NCKAP5: variants seen among roughly 807,000 people sequenced by gnomAD.
NCKAP5 encodes the protein nck-associated protein 5.
In NCKAP5, 92 loss-of-function variants were observed where a neutral mutation model predicts 167.0. That is an observed-to-expected ratio of 0.55 (90% confidence interval 0.47 to 0.66). The LOEUF (loss-of-function observed/expected upper bound fraction) is 0.66. Among genes scored for constraint, NCKAP5 ranks in the 30% least tolerant of loss-of-function variants. NCKAP5 has a pLI of 0.00. For missense variants in NCKAP5, 2,378 were observed against 2,315.0 expected (o/e 1.03, Z -0.56); for synonymous variants, 891 against 877.4 (o/e 1.02, Z -0.27).
At chr2:133,349,025 A>C (rs72989607) in intron 3 of NCKAP5, among the ~76,000 whole-genome samples, 2,505 of 152,260 alleles carry the variant, frequency 0.016, 64 homozygotes, top group African/African-American at 0.056. Flanking sequence ...TTTTTCCCAA[A>C]AGCAGCTTAC....
chr2:133,496,720 T>C lies in NCKAP5; in HGVS notation c.69+20738A>G, dbSNP rs149266740. On this transcript the variant is annotated intron_variant, in intron 3 of 19. Coordinates refer to ENST00000409261, the MANE Select transcript of NCKAP5 (RefSeq NM_207363.3). ...GTGTTTTAATGAGTCTTTCAGGTGATTCTGATGTATTTATATGCTCAAGCT... is the reference window on the plus strand; with the variant it reads ...GTGTTTTAATGAGTCTTTCAGGTGACTCTGATGTATTTATATGCTCAAGCT... Among the ~76,000 whole-genome samples, 419 of 152,290 alleles carry C rather than the reference T, an allele frequency of 2.8e-3. 1 individual carries two copies. Among genetic ancestry groups the C allele is most frequent in the African/African-American group, 9.0e-3 (373 of 41,566 alleles).
At chr2:132,809,600 G>A (rs1230432920) in intron 11 of NCKAP5, among the ~76,000 whole-genome samples, 4 of 152,058 alleles carry the variant, frequency 2.6e-5, no homozygotes, top group African/African-American at 9.7e-5. Context: ...GCTGGCTTTT[G>A]GTGTCCATTT....
rs1558755385 is a variant in NCKAP5 at position 133,526,228 on chromosome 2, A to AAGGAAGGAAGGAAGG, written c.-61-8642_-61-8641insCCTTCCTTCCTTCCT. Among the ~76,000 whole-genome samples the AAGGAAGGAAGGAAGG allele has an allele frequency of 1.5e-4, 8 of 53,358 alleles. 1 individual carries two copies. The highest frequency in any genetic ancestry group is 1.4e-3 in the East Asian group (2 of 1,462). 35.0% of individuals were successfully genotyped at this position (53,358 alleles called of 152,430 possible). On this transcript the variant is annotated intron_variant, in intron 2 of 19. Transcript: ENST00000409261. ...GGAAGGAAGGAAGGAAGGAAGGAAG[A>AAGGAAGGAAGGAAGG]AAGGAAAGGAGGGAGGGAAGGAGGG...
At chr2:133,654,782 T>C in the NCKAP5 span, among the ~76,000 whole-genome samples, 1 of 152,202 alleles carries the variant, frequency 6.6e-6, no homozygotes, top group African/African-American at 2.4e-5. Flanking sequence ...ACAAGTGTAA[T>C]TGGTGAAGGA....
At chr2:133,443,159 T>A (rs1690961439) in intron 3 of NCKAP5, among the ~76,000 whole-genome samples, 2 of 152,190 alleles carry the variant, frequency 1.3e-5, no homozygotes, top group African/African-American at 4.8e-5. Flanking sequence ...GGTTCAGGTT[T>A]ATGGGACTAT....
chr2:133,038,475 G>A (rs537006513), intron 6 of NCKAP5, among the ~76,000 whole-genome samples: 1 of 152,248 alleles, frequency 6.6e-6, no homozygotes, highest in Admixed American at 6.5e-5. Flanking sequence ...AGGCTGGGAA[G>A]GGTATCAGGG....
chr2:133,577,221 C>T, the NCKAP5 span, among the ~76,000 whole-genome samples: 1 of 152,144 alleles, frequency 6.6e-6, no homozygotes. Context: ...GAAGAATGCA[C>T]CACCCCTGTG....
At chr2:132,803,231 T>A (rs1292514955) in intron 11 of NCKAP5, among the ~76,000 whole-genome samples, 1 of 152,232 alleles carries the variant, frequency 6.6e-6, no homozygotes, top group Admixed American at 6.5e-5. Flanking sequence ...CATAATTTGA[T>A]CTCACTTCAG....
At chr2:133,275,340 G>C (rs940199647) in intron 4 of NCKAP5, among the ~76,000 whole-genome samples, 1 of 151,836 alleles carries the variant, frequency 6.6e-6, no homozygotes, top group Non-Finnish European at 1.5e-5. Flanking sequence ...GAAGGTGTTC[G>C]TACTCTGTGA....
intron 4 of NCKAP5, among the ~76,000 whole-genome samples, chr2:133,240,458 A>G (rs1280549005): frequency 6.6e-6 from 1 of 152,158 alleles, no homozygotes. Context: ...CCCATCTCTG[A>G]TGCCCCCCAA....
At chr2:133,583,553 G>T in the NCKAP5 span, among the ~76,000 whole-genome samples, 1 of 152,032 alleles carries the variant, frequency 6.6e-6, no homozygotes, top group Non-Finnish European at 1.5e-5. Flanking sequence ...CCTTTATAGC[G>T]ATGCAAGCCT....
chr2:133,380,821 T>G (rs1386471090), intron 3 of NCKAP5, among the ~76,000 whole-genome samples: 1 of 152,200 alleles, frequency 6.6e-6, no homozygotes, highest in Non-Finnish European at 1.5e-5. Context: ...AAGCACCAGT[T>G]TAGAAGACTA....
intron 6 of NCKAP5, among the ~76,000 whole-genome samples, chr2:133,067,853 C>T (rs1210005391): frequency 6.6e-6 from 1 of 152,138 alleles, no homozygotes; most frequent in Non-Finnish European, 1.5e-5. Context: ...GGGGAATGCT[C>T]TTGAAATTAA....
chr2:133,043,412 C>T (rs1009899724), intron 6 of NCKAP5, among the ~76,000 whole-genome samples: 6 of 152,076 alleles, frequency 3.9e-5, no homozygotes, highest in African/African-American at 1.4e-4. Flanking sequence ...TGAACGTATT[C>T]TTTAATTCAG....
chr2:132,957,302 C>T (rs747634716), intron 8 of NCKAP5, among the ~76,000 whole-genome samples: 1 of 152,112 alleles, frequency 6.6e-6, no homozygotes, highest in African/African-American at 2.4e-5. Context: ...TCACTTTTTT[C>T]CTTGTATTCC....
chr2:133,111,456 T>C (rs1404656718), intron 6 of NCKAP5, among the ~76,000 whole-genome samples: 1 of 152,188 alleles, frequency 6.6e-6, no homozygotes, highest in East Asian at 1.9e-4. Flanking sequence ...ATTCACATCA[T>C]TTGGGGTGAA....
chr2:133,387,930 A>G lies in NCKAP5; in HGVS notation c.70-84820T>C, dbSNP rs186308017. ...AGGACTTCTCTGCATTGGTTATTCT[A>G]GTTAGCCATTCATCCAATCTTTTTT... On this transcript the variant is annotated intron_variant, in intron 3 of 19. Coordinates refer to ENST00000409261, the MANE Select transcript of NCKAP5 (RefSeq NM_207363.3). Among the ~76,000 whole-genome samples, 964 of 152,198 alleles carry G rather than the reference A, an allele frequency of 6.3e-3. 3 individuals carry two copies. Among genetic ancestry groups the G allele is most frequent in the Non-Finnish European group, 8.9e-3 (602 of 68,002 alleles).
At chr2:133,652,203 T>C in the NCKAP5 span, among the ~76,000 whole-genome samples, 2 of 152,302 alleles carry the variant, frequency 1.3e-5, no homozygotes, top group Admixed American at 1.3e-4. Flanking sequence ...ATGTAATTCC[T>C]AATCAGGAAA....
intron 3 of NCKAP5, among the ~76,000 whole-genome samples, chr2:133,345,081 T>C (rs1683874962): frequency 6.6e-6 from 1 of 152,116 alleles, no homozygotes; most frequent in Non-Finnish European, 1.5e-5. Flanking sequence ...GGCAACCTTT[T>C]ATAGAAAGAG....
Sources: gnomAD v4.1 joint callset for allele counts (sites outside exome capture counted in the v4.1 genomes callset) on GRCh38, gnomAD v4.1.1 for gene constraint, MANE v1.5 for transcripts, NCBI Gene and HGNC (gene_info 2026-07-23, HGNC 2026-07-21) for gene names.